Variants in NNT observed in about 807,000 individuals in gnomAD.
The protein encoded by NNT is nicotinamide nucleotide transhydrogenase.
A neutral mutation model predicts 104.8 loss-of-function variants in NNT; 50 were observed. The observed-to-expected ratio is 0.48, with a 90% CI of 0.38 to 0.60. The LOEUF (loss-of-function observed/expected upper bound fraction) is 0.60, where lower values mean the gene tolerates loss of function less well. Among genes scored for constraint, NNT ranks in the 20% least tolerant of loss-of-function variants. NNT has a pLI of 0.00. For missense variants in NNT, 1,131 were observed against 1,330.7 expected (o/e 0.85, Z 2.33); for synonymous variants, 461 against 490.4 (o/e 0.94, Z 0.79).
intron 20 of NNT, among the ~76,000 whole-genome samples, chr5:43,700,834 T>C (rs1176778341): frequency 2.0e-5 from 3 of 152,240 alleles, no homozygotes; most frequent in Non-Finnish European, 4.4e-5. Flanking sequence ...CTGGCAAATA[T>C]CCACTGTAAA....
intron 7 of NNT, among the ~76,000 whole-genome samples, chr5:43,635,717 CTG>C (rs1750896760): frequency 6.6e-6 from 1 of 152,120 alleles, no homozygotes; most frequent in Admixed American, 6.6e-5. Context: ...GGTCTTTCCT[CTG>C]TGTGTGTGCA....
chr5:43,608,081 C>G (rs1235436430), intron 1 of NNT, among the ~76,000 whole-genome samples: 6 of 152,158 alleles, frequency 3.9e-5, no homozygotes, highest in Admixed American at 2.6e-4. Context: ...CAGGTGCCAG[C>G]TACCAGGGCC....
rs544962328 is a variant in NNT, at chr5:43,663,831, C to G, written c.2634+4481C>G. On this transcript the variant is annotated intron_variant, in intron 17 of 21. Transcript: ENST00000344920. ...CACCTTTGTGTTTGTGGAGTTTGGCCAAGTACCTGGCACATTCACACAAAT... is the reference window on the plus strand; with the variant it reads ...CACCTTTGTGTTTGTGGAGTTTGGCGAAGTACCTGGCACATTCACACAAAT... 2.6e-5 allele frequency among the ~76,000 whole-genome samples: 4 copies of G among 152,284 alleles called. No individual in the cohort carries two copies. In the South Asian group the frequency reaches 8.3e-4, roughly 32 times the overall value.
chr5:43,698,896 A>G (rs1308356022), intron 19 of NNT, among the ~76,000 whole-genome samples: 1 of 146,800 alleles, frequency 6.8e-6, no homozygotes, highest in African/African-American at 2.6e-5. Context: ...TATATACACT[A>G]CATATATATA....
chr5:43,677,708 C>A lies in NNT; in HGVS notation c.2795-17C>A. On this transcript the variant is annotated splice_polypyrimidine_tract_variant and intron_variant, in intron 18 of 21. Coordinates refer to ENST00000344920, the MANE Select transcript of NNT (RefSeq NM_182977.3). ...AATAAAAAACACATTCTTCTGTGTT[C>A]TTAATGTTCCTTGCAGGCTATGGTC... 6.2e-7 allele frequency: 1 copy of A among 1,604,786 alleles called. No individual in the cohort carries two copies. Among genetic ancestry groups the A allele is most frequent in the South Asian group, 1.1e-5 (1 of 90,812 alleles).
At chr5:43,665,201 T>A (rs1194559082) in intron 17 of NNT, among the ~76,000 whole-genome samples, 1 of 145,574 alleles carries the variant, frequency 6.9e-6, no homozygotes, top group African/African-American at 2.7e-5. Context: ...TTTTTTTTTC[T>A]GGTATTTTAT....
intron 7 of NNT, among the ~76,000 whole-genome samples, chr5:43,638,288 TCAGACTAATA>T (rs2111778087): frequency 6.6e-6 from 1 of 152,240 alleles, no homozygotes; most frequent in African/African-American, 2.4e-5. Flanking sequence ...CAGCGTGAGA[TCAGACTAATA>T]CAAGTGGTTT....
intron 7 of NNT, among the ~76,000 whole-genome samples, chr5:43,643,825 T>G (rs1333452582): frequency 4.6e-5 from 7 of 152,252 alleles, no homozygotes; most frequent in African/African-American, 1.7e-4. Context: ...TGGGTGCATA[T>G]AGTTTCCATA....
At position 43,675,491 on chromosome 5, in the gene NNT, C is replaced by A; in HGVS notation, c.2635-20C>A. Reference sequence around the variant, plus strand: ...AGTTATGTGTGTTAAACTCTCACAGCTGATAATTTGGCTTTCTAGGCAATG... The same window carrying A: ...AGTTATGTGTGTTAAACTCTCACAGATGATAATTTGGCTTTCTAGGCAATG... On this transcript the variant is annotated intron_variant, in intron 17 of 21. Transcript: ENST00000344920. The A allele has an allele frequency of 6.2e-7, 1 of 1,601,818 alleles. No individual in the cohort carries two copies.
intron 4 of NNT, 34 bp downstream of exon 4, chr5:43,616,099 G>A (rs368298050): frequency 4.5e-5 from 70 of 1,540,526 alleles, no homozygotes; most frequent in Non-Finnish European, 5.4e-5. Flanking sequence ...GAACAAAAGC[G>A]CAATAGTGCT....
At chr5:43,660,842 T>TC (rs1348598870) in intron 17 of NNT, among the ~76,000 whole-genome samples, 1 of 151,810 alleles carries the variant, frequency 6.6e-6, no homozygotes, top group Non-Finnish European at 1.5e-5. Flanking sequence ...TTCCACCAGG[T>TC]CCCCCCGTGG....
chr5:43,664,702 T>C (rs1740537481), intron 17 of NNT, among the ~76,000 whole-genome samples: 1 of 152,020 alleles, frequency 6.6e-6, no homozygotes, highest in South Asian at 2.1e-4. Context: ...ACAGTGGTCA[T>C]AGGATAGTCT....
At chr5:43,653,954 C>CAAA (rs1189629677) in intron 14 of NNT, among the ~76,000 whole-genome samples, 1 of 100,930 alleles carries the variant, frequency 9.9e-6, no homozygotes. Context: ...GACTCTGTCT[C>CAAA]AAAAAAAAAA....
At chr5:43,650,447 C>T (rs1561290438) in intron 11 of NNT, 30 bp from the exon 12 acceptor site, 6 of 1,485,738 alleles carry the variant, frequency 4.0e-6, no homozygotes, top group East Asian at 2.3e-5. Context: ...GTCACTATCA[C>T]TATTAACCAT....
intron 2 of NNT, among the ~76,000 whole-genome samples, chr5:43,612,098 TG>T (rs1749527793): frequency 6.6e-6 from 1 of 152,236 alleles, no homozygotes; most frequent in Admixed American, 6.5e-5. Context: ...TATCTACTAC[TG>T]ATGTTTCTAT....
chr5:43,634,359 A>G (rs1384972796), intron 7 of NNT, among the ~76,000 whole-genome samples: 1 of 152,172 alleles, frequency 6.6e-6, no homozygotes, highest in Non-Finnish European at 1.5e-5. Context: ...CAAGAGAGTG[A>G]TTGATACAAG....
chr5:43,704,146 G>C, intron 21 of NNT, 109 bp from the exon 22 acceptor site: 1 of 840,414 alleles, frequency 1.2e-6, no homozygotes, highest in East Asian at 2.9e-5. Context: ...TAAAGAATTA[G>C]TAGTGGTACA....
chr5:43,695,596 T>A (rs1742516722), intron 19 of NNT, among the ~76,000 whole-genome samples: 2 of 152,224 alleles, frequency 1.3e-5, no homozygotes, highest in African/African-American at 4.8e-5. Context: ...TCAGGATGTC[T>A]GTCATTCATT....
At position 43,649,220 on chromosome 5, in the gene NNT, C is replaced by G; in HGVS notation, c.1518C>G (p.Gly506=). The G allele has an allele frequency of 6.2e-7, 1 of 1,614,168 alleles. No homozygotes were observed. Among genetic ancestry groups the G allele is most frequent in the Non-Finnish European group, 8.5e-7 (1 of 1,180,018 alleles). Residue 506 remains glycine (G), a synonymous_variant, in exon 11 of 22, where the codon GGC becomes GGG. Transcript: ENST00000344920. ...LAFSQMVTTF[G]LAGIVGYHTV... ...TTTCTCAGATGGTGACCACTTTTGG[C>G]TTGGCTGGCATTGTGGGGTATCATA...
Sources: gnomAD v4.1 joint callset for allele counts (sites outside exome capture counted in the v4.1 genomes callset) on GRCh38, gnomAD v4.1.1 for gene constraint, MANE v1.5 for transcripts, NCBI Gene and HGNC (gene_info 2026-07-23, HGNC 2026-07-21) for gene names.